RIMS1: variants seen among roughly 807,000 people sequenced by gnomAD.
RIMS1 encodes regulating synaptic membrane exocytosis protein 1.
RIMS1 carries 83 observed loss-of-function variants against 214.1 expected under a neutral mutation model. The ratio of observed to expected loss-of-function variants is 0.39; its 90% CI spans 0.32 to 0.47. The LOEUF (loss-of-function observed/expected upper bound fraction) is 0.47, where lower values mean the gene tolerates loss of function less well. Among genes scored for constraint, RIMS1 ranks in the 20% least tolerant of loss-of-function variants. The pLI, the probability that RIMS1 is intolerant of heterozygous loss-of-function variation, is 0.99. For synonymous variants in RIMS1, 793 were observed against 786.8 expected (o/e 1.01, Z -0.13); for missense variants, 2,050 against 2,161.8 (o/e 0.95, Z 1.03).
chr6:72,340,957 G>T (rs571877023), intron 29 of RIMS1, among the ~76,000 whole-genome samples: 2 of 151,396 alleles, frequency 1.3e-5, no homozygotes, highest in Non-Finnish European at 3.0e-5. Context: ...CTTTTATTTC[G>T]TTGAGCAGTG....
At chr6:71,974,888 A>T (rs1324746867) in intron 2 of RIMS1, among the ~76,000 whole-genome samples, 1 of 152,172 alleles carries the variant, frequency 6.6e-6, no homozygotes, top group Non-Finnish European at 1.5e-5. Context: ...TTACCTTATA[A>T]CATAAACCAT....
intron 6 of RIMS1, among the ~76,000 whole-genome samples, chr6:72,210,282 T>C (rs2053597628): frequency 6.6e-6 from 1 of 152,204 alleles, no homozygotes; most frequent in East Asian, 1.9e-4. Context: ...TAGTAAATAT[T>C]TCCAAAAATA....
intron 4 of RIMS1, among the ~76,000 whole-genome samples, chr6:72,145,360 A>G (rs1450307916): frequency 6.6e-6 from 1 of 152,162 alleles, no homozygotes; most frequent in African/African-American, 2.4e-5. Context: ...CACGCCTATA[A>G]TCTCAGCACT....
Position 72,159,352 on chromosome 6 carries a change from C to A in RIMS1, c.472-20223C>A, listed in dbSNP as rs1396161564. Among the ~76,000 whole-genome samples the A allele has an allele frequency of 1.4e-5, 2 of 140,206 alleles. 1 individual carries two copies. The highest frequency in any genetic ancestry group is 3.2e-5 in the Non-Finnish European group (2 of 61,790). The allele number at this position is 140,206 out of a possible 152,430, so 92.0% of individuals were successfully genotyped here. A position where few individuals can be genotyped will look rare whatever the true frequency, so the allele number is the denominator to read the frequency against. On this transcript the variant is annotated intron_variant, in intron 4 of 33. Transcript: ENST00000521978. ...TCTCCCATTCTGTAGGTTGCCTGTT[C>A]ACTCTGACGGTAGTTTCTTTTGCTG...
Position 72,274,338 on chromosome 6 carries a change from T to C in RIMS1, c.3399-11T>C, listed in dbSNP as rs762166739. 3.8e-6 allele frequency: 6 copies of C among 1,599,484 alleles called. No homozygotes were observed. Among genetic ancestry groups the C allele is most frequent in the Non-Finnish European group, 5.1e-6 (6 of 1,167,838 alleles). On this transcript the variant is annotated splice_polypyrimidine_tract_variant and intron_variant, in intron 22 of 33. Transcript: ENST00000521978. Reference sequence around the variant, plus strand: ...TCCTGTTTTTTCCTGTCTTGTTCACTGGGCAAACAGGGGTAGATGGTCCCC... The same window carrying C: ...TCCTGTTTTTTCCTGTCTTGTTCACCGGGCAAACAGGGGTAGATGGTCCCC...
In RIMS1 at chr6:72,182,410, G is replaced by A; in HGVS notation, c.939G>A (p.Arg313=). ...TCGAAGAACGGGAGCGCAAAGAAAG[G>A]CGGGAAAGCCGAAGGCTTGAGAAAG... The part of the protein sequence containing the change: ...GAVEERERKE[R]RESRRLEKGR... Residue 313 remains arginine, a synonymous_variant, in exon 6 of 34, where the codon AGG becomes AGA. Transcript: ENST00000521978. 1 of 1,613,954 alleles carries A rather than the reference G, an allele frequency of 6.2e-7. No homozygotes were observed. The highest frequency in any genetic ancestry group is 8.5e-7 in the Non-Finnish European group (1 of 1,179,882).
At chr6:72,063,935 G>A (rs923834957) in intron 2 of RIMS1, among the ~76,000 whole-genome samples, 1 of 152,118 alleles carries the variant, frequency 6.6e-6, no homozygotes, top group African/African-American at 2.4e-5. Context: ...TCTTTTCCCT[G>A]TGTTCTCACA....
chr6:72,008,014 A>G (rs943974157), intron 2 of RIMS1, among the ~76,000 whole-genome samples: 3 of 152,186 alleles, frequency 2.0e-5, no homozygotes, highest in East Asian at 3.9e-4. Context: ...TCCAAGACAC[A>G]TAATTGTCAG....
intron 26 of RIMS1, among the ~76,000 whole-genome samples, chr6:72,303,878 G>T (rs2094888782): frequency 6.6e-6 from 1 of 151,396 alleles, no homozygotes; most frequent in African/African-American, 2.4e-5. Flanking sequence ...TTATAAAATT[G>T]TAATATTACA....
chr6:72,333,558 G>A (rs376161233), intron 28 of RIMS1, 42 bp from the exon 29 acceptor site: 38 of 1,402,204 alleles, frequency 2.7e-5, no homozygotes, highest in African/African-American at 4.3e-5. Flanking sequence ...ATGCTGACCT[G>A]TAATTTATGG....
intron 28 of RIMS1, among the ~76,000 whole-genome samples, chr6:72,323,433 T>G (rs910351280): frequency 6.6e-6 from 1 of 151,788 alleles, no homozygotes; most frequent in African/African-American, 2.4e-5. Context: ...TTTTAAAAAA[T>G]TAAATTATAA....
chr6:72,137,000 A>C (rs902945751), intron 4 of RIMS1, among the ~76,000 whole-genome samples: 1 of 152,072 alleles, frequency 6.6e-6, no homozygotes, highest in African/African-American at 2.4e-5. Context: ...TTTAGTTAAT[A>C]TAATAAGGCA....
chr6:72,108,302 C>G (rs2035210307), intron 4 of RIMS1, among the ~76,000 whole-genome samples: 1 of 152,062 alleles, frequency 6.6e-6, no homozygotes, highest in African/African-American at 2.4e-5. Flanking sequence ...GTTGCCCAGG[C>G]TGGTTTGGAA....
intron 29 of RIMS1, among the ~76,000 whole-genome samples, chr6:72,348,357 T>C (rs1416285448): frequency 6.6e-6 from 1 of 151,868 alleles, no homozygotes; most frequent in Non-Finnish European, 1.5e-5. Context: ...TACATGGTGG[T>C]CATCCTGGAG....
chr6:71,896,457 G>A (rs1030404370), intron 1 of RIMS1, among the ~76,000 whole-genome samples: 2 of 152,046 alleles, frequency 1.3e-5, no homozygotes, highest in African/African-American at 4.8e-5. Context: ...TCACTATTGG[G>A]TACAACTATG....
At chr6:72,096,812 G>A (rs1342404739) in intron 2 of RIMS1, 137 bp from the exon 3 acceptor site, 5 of 720,950 alleles carry the variant, frequency 6.9e-6, no homozygotes, top group South Asian at 5.3e-5. Flanking sequence ...GGTTAGTGGG[G>A]AAAATAGTTT....
At chr6:72,216,546 C>T in intron 6 of RIMS1, 1 of 985,394 alleles carries the variant, frequency 1.0e-6, no homozygotes, top group Non-Finnish European at 1.2e-6. Flanking sequence ...GAGTAAGATT[C>T]CTCAGTTAGG....
At position 72,235,711 on chromosome 6, in the gene RIMS1, G is replaced by A. The variant is rs766801530; in HGVS notation, c.1840G>A (p.Ala614Thr). 1 of 1,601,618 alleles carries A rather than the reference G, an allele frequency of 6.2e-7. No homozygotes were observed. Among genetic ancestry groups the A allele is most frequent in the South Asian group, 1.1e-5 (1 of 88,770 alleles). ...AACAACCATGCCCAAAGACTCAGGT[G>A]CATTGCTGGGTCTGAAAGTAAGTAT... ...KRTTMPKDSG[A>T]LLGLKVVGGK... The change falls in exon 8 of 34, where the codon GCA becomes ACA. Residue 614 changes from alanine (A) to threonine (T), a missense_variant. Transcript: ENST00000521978.
At chr6:72,145,567 ATG>A (rs1354806647) in intron 4 of RIMS1, among the ~76,000 whole-genome samples, 3 of 152,140 alleles carry the variant, frequency 2.0e-5, no homozygotes, top group African/African-American at 7.2e-5. Context: ...AGCCCAGATC[ATG>A]CCACTGCACC....
Sources: gnomAD v4.1 joint callset for allele counts (sites outside exome capture counted in the v4.1 genomes callset) on GRCh38, gnomAD v4.1.1 for gene constraint, MANE v1.5 for transcripts, NCBI Gene and HGNC (gene_info 2026-07-23, HGNC 2026-07-21) for gene names.